The following HK2 variants were observed in gnomAD, a reference collection of about 807,000 sequenced individuals.
HK2 encodes hexokinase 2, also known as hexokinase-2.
A neutral mutation model predicts 92.9 loss-of-function variants in HK2; 42 were observed. The ratio of observed to expected loss-of-function variants is 0.45; its 90% CI spans 0.35 to 0.58. The LOEUF (loss-of-function observed/expected upper bound fraction) is 0.58, where lower values mean the gene tolerates loss of function less well. Ranked by LOEUF, HK2 falls within the 20% of genes least tolerant of loss-of-function variation. The pLI, the probability that HK2 is intolerant of heterozygous loss-of-function variation, is 0.00. For missense variants in HK2, 978 were observed against 1,245.1 expected (o/e 0.79, Z 3.23); for synonymous variants, 422 against 468.0 (o/e 0.90, Z 1.27).
chr2:74,878,290 A>G (rs982480575), intron 8 of HK2, among the ~76,000 whole-genome samples: 24 of 152,192 alleles, frequency 1.6e-4, no homozygotes, highest in Admixed American at 2.6e-4. Context: ...GTCTCCCCTA[A>G]CACAAGCAGA....
intron 1 of HK2, among the ~76,000 whole-genome samples, chr2:74,842,145 G>T (rs1053713326): frequency 6.6e-6 from 1 of 152,232 alleles, no homozygotes; most frequent in African/African-American, 2.4e-5. Context: ...AAGAGAAAGA[G>T]GGTTAACAGG....
intron 9 of HK2, among the ~76,000 whole-genome samples, chr2:74,879,207 T>C (rs1689320089): frequency 6.6e-6 from 1 of 152,152 alleles, no homozygotes; most frequent in Non-Finnish European, 1.5e-5. Context: ...GCGTTATTGT[T>C]CCTGTCTTTA....
chr2:74,854,313 C>T lies in HK2; in HGVS notation c.84C>T (p.His28=), dbSNP rs1274891782. 5.6e-6 allele frequency: 9 copies of T among 1,612,914 alleles called. No individual in the cohort carries two copies. Among genetic ancestry groups the T allele is most frequent in the East Asian group, 4.5e-5 (2 of 44,886 alleles). The part of the protein sequence containing the change: ...QVQKVDQYLY[H]MRLSDETLLE... ...TTCAGGTTGACCAGTATCTCTACCA[C>T]ATGCGCCTCTCTGATGAGACCCTCT... Residue 28 remains histidine (H), a synonymous_variant, in exon 2 of 18, where the codon CAC becomes CAT. Coordinates refer to ENST00000290573, the MANE Select transcript of HK2 (RefSeq NM_000189.5).
intron 7 of HK2, among the ~76,000 whole-genome samples, chr2:74,876,112 G>T (rs140920026): frequency 6.9e-4 from 105 of 152,334 alleles, no homozygotes; most frequent in African/African-American, 2.3e-3. Context: ...AGCTCTGCCT[G>T]TGTGGGTGCA....
intron 2 of HK2, 107 bp downstream of exon 2, chr2:74,854,562 C>A: frequency 8.5e-7 from 1 of 1,171,720 alleles, no homozygotes; most frequent in Non-Finnish European, 1.3e-6. Flanking sequence ...CCAACCCTGG[C>A]TAAGGGAAGC....
At position 74,881,716 on chromosome 2, in the gene HK2, G is replaced by C; in HGVS notation, c.1576G>C (p.Gly526Arg). 1 of 1,614,150 alleles carries C rather than the reference G, an allele frequency of 6.2e-7. No homozygotes were observed. The highest frequency in any genetic ancestry group is 8.5e-7 in the Non-Finnish European group (1 of 1,179,996). ...VCATPDGTEK[G>R]DFLALDLGGT... ...TCCCTGGGCTTATTTTCCAGAGAAAGGGGACTTCTTGGCCTTGGACCTTGG... is the reference window on the plus strand; with the variant it reads ...TCCCTGGGCTTATTTTCCAGAGAAACGGGACTTCTTGGCCTTGGACCTTGG... The change falls in exon 11 of 18, where the codon GGG (glycine) becomes CGG (arginine). Residue 526 changes from glycine to arginine, a missense_variant. Physicochemically the swap from Gly to Arg is moderately radical, Grantham distance 125. Coordinates refer to ENST00000290573, the MANE Select transcript of HK2 (RefSeq NM_000189.5).
At chr2:74,864,539 C>T (rs931147380) in intron 2 of HK2, among the ~76,000 whole-genome samples, 1 of 152,024 alleles carries the variant, frequency 6.6e-6, no homozygotes, top group Non-Finnish European at 1.5e-5. Flanking sequence ...CAGAGTCTGG[C>T]TCTATTGCCC....
At chr2:74,883,182 T>TGTG (rs1558804527) in intron 12 of HK2, among the ~76,000 whole-genome samples, 1 of 152,314 alleles carries the variant, frequency 6.6e-6, no homozygotes, top group East Asian at 1.9e-4. Flanking sequence ...GCTGCCGGTG[T>TGTG]GTGGTATGTT....
chr2:74,861,105 T>C (rs949343683), intron 2 of HK2, among the ~76,000 whole-genome samples: 2 of 152,178 alleles, frequency 1.3e-5, no homozygotes, highest in African/African-American at 4.8e-5. Context: ...CATAGGGGCC[T>C]GGCTTTCAGA....
chr2:74,848,985 C>T (rs200094548), intron 1 of HK2, among the ~76,000 whole-genome samples: 1 of 152,232 alleles, frequency 6.6e-6, no homozygotes, highest in East Asian at 1.9e-4. Context: ...ACCTCCAGGC[C>T]TTTCCTTCCT....
chr2:74,868,773 A>G (rs758292074), intron 3 of HK2, among the ~76,000 whole-genome samples: 13 of 152,242 alleles, frequency 8.5e-5, no homozygotes, highest in Non-Finnish European at 1.8e-4. Context: ...AAACAAACAA[A>G]ATAACATCTA....
intron 1 of HK2, among the ~76,000 whole-genome samples, chr2:74,843,128 G>A (rs1374996079): frequency 6.6e-6 from 1 of 152,138 alleles, no homozygotes; most frequent in East Asian, 1.9e-4. Flanking sequence ...GCCATGATAG[G>A]TTTGGCCCCA....
intron 3 of HK2, among the ~76,000 whole-genome samples, chr2:74,870,101 C>T (rs928122364): frequency 3.3e-5 from 5 of 151,538 alleles, no homozygotes; most frequent in African/African-American, 1.2e-4. Context: ...TTCTGCCCCC[C>T]AGGTTCAAGC....
At chr2:74,876,515 C>A (rs188443316) in intron 7 of HK2, among the ~76,000 whole-genome samples, 1 of 152,334 alleles carries the variant, frequency 6.6e-6, no homozygotes, top group East Asian at 1.9e-4. Flanking sequence ...TGGGGGCCGT[C>A]CCCTGCCTTT....
rs1688992264 is a variant in HK2, at chr2:74,867,724, G to A, written c.315G>A (p.Val105=). ...VKVTDNGLQK[V]EMENQIYAIP... ...TAACGGACAATGGGCTCCAGAAGGT[G>A]GAGATGGAGAATCAGATCTATGCCA... Residue 105 remains valine (V), a synonymous_variant, in exon 3 of 18, where the codon GTG becomes GTA. Transcript: ENST00000290573. 3.1e-6 allele frequency: 5 copies of A among 1,614,154 alleles called. No homozygotes were observed. The highest frequency in any genetic ancestry group is 4.2e-6 in the Non-Finnish European group (5 of 1,180,014).
At chr2:74,864,828 A>G (rs1235293830) in intron 2 of HK2, among the ~76,000 whole-genome samples, 6 of 152,216 alleles carry the variant, frequency 3.9e-5, no homozygotes, top group Non-Finnish European at 7.3e-5. Flanking sequence ...ATATGTTCAC[A>G]TACAACATAG....
intron 1 of HK2, among the ~76,000 whole-genome samples, chr2:74,843,314 C>T (rs1174330254): frequency 6.6e-6 from 1 of 152,062 alleles, no homozygotes; most frequent in African/African-American, 2.4e-5. Context: ...GGGTTCTTCA[C>T]GAAGCCCAGG....
At chr2:74,876,501 G>A (rs1425786170) in intron 7 of HK2, among the ~76,000 whole-genome samples, 1 of 152,232 alleles carries the variant, frequency 6.6e-6, no homozygotes, top group Non-Finnish European at 1.5e-5. Context: ...CCGCACTGCT[G>A]GTTTGGGGGC....
At chr2:74,853,696 CAAAA>C (rs202112392) in intron 1 of HK2, among the ~76,000 whole-genome samples, 1 of 139,180 alleles carries the variant, frequency 7.2e-6, no homozygotes, top group African/African-American at 2.7e-5. Context: ...GATACCCTGT[CAAAA>C]AAAAAAAAGA....
Sources: gnomAD v4.1 joint callset for allele counts (sites outside exome capture counted in the v4.1 genomes callset) on GRCh38, gnomAD v4.1.1 for gene constraint, MANE v1.5 for transcripts, NCBI Gene and HGNC (gene_info 2026-07-23, HGNC 2026-07-21) for gene names.